SEMA4B: variants seen among roughly 807,000 people sequenced by gnomAD.
SEMA4B encodes the protein semaphorin-4B.
A neutral mutation model predicts 88.1 loss-of-function variants in SEMA4B; 55 were observed. That is an observed-to-expected ratio of 0.62 (90% CI 0.50 to 0.78). The LOEUF (loss-of-function observed/expected upper bound fraction) is 0.78. SEMA4B is among the 30% of genes least tolerant of loss of function. The probability of loss-of-function intolerance (pLI) is 0.00; values close to 1 mark genes in which losing one functional copy is unlikely to be tolerated. For synonymous variants in SEMA4B, 525 were observed against 473.6 expected (o/e 1.11, Z -1.41); for missense variants, 1,062 against 1,111.9 (o/e 0.96, Z 0.64).
At chr15:90,187,561 T>G (rs952094597) in intron 1 of SEMA4B, among the ~76,000 whole-genome samples, 6 of 152,290 alleles carry the variant, frequency 3.9e-5, no homozygotes, top group Non-Finnish European at 8.8e-5. Flanking sequence ...AATAAGAATC[T>G]GAGCAGAGTG....
At chr15:90,202,020 G>A (rs1960768945) in intron 1 of SEMA4B, among the ~76,000 whole-genome samples, 1 of 152,268 alleles carries the variant, frequency 6.6e-6, no homozygotes, top group South Asian at 2.1e-4. Flanking sequence ...TTTCGGCGGG[G>A]TCCGCCTGCC....
At chr15:90,225,248 T>C (rs368990365) in intron 10 of SEMA4B, 34 bp from the exon 11 acceptor site, 3 of 1,554,104 alleles carry the variant, frequency 1.9e-6, no homozygotes, top group Non-Finnish European at 1.7e-6. Context: ...GGCAGTGGGC[T>C]CCACCCAGGG....
chr15:90,216,648 A>C (rs1021615005), intron 1 of SEMA4B, among the ~76,000 whole-genome samples: 1 of 152,210 alleles, frequency 6.6e-6, no homozygotes, highest in African/African-American at 2.4e-5. Flanking sequence ...GTTTGAGACC[A>C]GCCTGGCCAA....
intron 1 of SEMA4B, among the ~76,000 whole-genome samples, chr15:90,186,126 G>A (rs998740956): frequency 1.3e-5 from 2 of 151,756 alleles, no homozygotes; most frequent in Non-Finnish European, 2.9e-5. Flanking sequence ...TAGAGACAGG[G>A]TTTCACCATG....
At chr15:90,187,357 G>A (rs914303895) in intron 1 of SEMA4B, among the ~76,000 whole-genome samples, 3 of 152,182 alleles carry the variant, frequency 2.0e-5, no homozygotes, top group Non-Finnish European at 4.4e-5. Context: ...TGAATCCTTT[G>A]GAAATGATTT....
intron 1 of SEMA4B, among the ~76,000 whole-genome samples, chr15:90,211,485 G>C (rs1961264813): frequency 6.6e-6 from 1 of 152,186 alleles, no homozygotes. Flanking sequence ...TCTGGCACTG[G>C]GCTGGTGTCA....
intron 1 of SEMA4B, among the ~76,000 whole-genome samples, chr15:90,201,948 C>T (rs1960764949): frequency 1.3e-5 from 2 of 152,332 alleles, no homozygotes; most frequent in Non-Finnish European, 2.9e-5. Flanking sequence ...AGTTTTCTTT[C>T]TGCGTAGGGA....
At chr15:90,209,274 G>A (rs944482126) in intron 1 of SEMA4B, among the ~76,000 whole-genome samples, 19 of 152,142 alleles carry the variant, frequency 1.2e-4, no homozygotes, top group African/African-American at 2.4e-5. Context: ...ACAAAGACCG[G>A]GCGCGGTGGC....
rs769480615 is a variant in SEMA4B, at chr15:90,228,136, C to G, written c.2007C>G (p.Ser669Arg). Residue 669 changes from serine (S) to arginine (R), a missense_variant, in exon 14 of 14, where the codon AGC (serine) becomes AGG (arginine). By Grantham distance (110) the Ser-to-Arg change is moderately radical. Transcript: ENST00000411539. ...AGGGCTTCCAGCAGCTGGTAGCCAG[C>G]TACTGCCCAGAGGTGGTGGAGGACG... ...LEEGFQQLVA[S>R]YCPEVVEDGV... 11 of 1,611,348 alleles carry G rather than the reference C, an allele frequency of 6.8e-6. No individual in the cohort carries two copies. The East Asian group carries it at 2.5e-4, about 36-fold the overall frequency.
In SEMA4B at chr15:90,225,124, G is replaced by A. The variant is rs1962082374; in HGVS notation, c.1351G>A (p.Val451Ile). ...QPQARYQRVA[V>I]HRVPGLHHTY... Reference sequence around the variant, plus strand: ...CCAGGCTCGCTACCAGCGCGTGGCTGTACACCGCGTCCCTGGCCTGCACCA... The same window carrying A: ...CCAGGCTCGCTACCAGCGCGTGGCTATACACCGCGTCCCTGGCCTGCACCA... The change falls in exon 10 of 14, where the codon GTA becomes ATA. Residue 451 changes from valine (V) to isoleucine (I), a missense_variant. Coordinates refer to ENST00000411539, the MANE Select transcript of SEMA4B (RefSeq NM_198925.4). The A allele has an allele frequency of 6.2e-7, 1 of 1,613,212 alleles. No homozygotes were observed.
chr15:90,225,727 A>G lies in SEMA4B; in HGVS notation c.1588A>G (p.Arg530Gly). The change falls in exon 12 of 14, where the codon AGG becomes GGG. Residue 530 changes from arginine (R) to glycine (G), a missense_variant. Physicochemically the swap from Arg to Gly is moderately radical, Grantham distance 125. Coordinates refer to ENST00000411539, the MANE Select transcript of SEMA4B (RefSeq NM_198925.4). ...GCCCATGGCCAACTGCAGCCTGTAC[A>G]GGAGCTGTGGGGACTGCCTCCTCGC... Reference protein sequence around the residue: ...QVPMANCSLYRSCGDCLLARD... With the variant: ...QVPMANCSLYGSCGDCLLARD... 2 of 1,571,070 alleles carry G rather than the reference A, an allele frequency of 1.3e-6. No individual in the cohort carries two copies. The highest frequency in any genetic ancestry group is 4.7e-5 in the East Asian group (2 of 42,142).
At chr15:90,185,198 C>T (rs1960128068) in intron 1 of SEMA4B, 1 of 527,900 alleles carries the variant, frequency 1.9e-6, no homozygotes, top group Non-Finnish European at 2.4e-6. Context: ...CCGCCCGGCC[C>T]CTCTCCCCAG....
intron 1 of SEMA4B, among the ~76,000 whole-genome samples, chr15:90,214,408 C>T (rs982291513): frequency 1.3e-5 from 2 of 150,698 alleles, no homozygotes; most frequent in African/African-American, 4.9e-5. Flanking sequence ...GAGGCCGAGG[C>T]GGGTGGATCA....
At chr15:90,184,964 T>C in exon 1 of SEMA4B, 1 of 985,826 alleles carries the variant, frequency 1.0e-6, no homozygotes, top group Non-Finnish European at 1.2e-6. Flanking sequence ...CGCCCGAGAC[T>C]CCGGGTCCCC....
At chr15:90,221,573 G>T in intron 6 of SEMA4B, 41 bp from the exon 7 acceptor site, 1 of 1,612,096 alleles carries the variant, frequency 6.2e-7, no homozygotes. Flanking sequence ...TGTCTCCAGG[G>T]TTCCTGGGCT....
chr15:90,227,955 T>C lies in SEMA4B; in HGVS notation c.1826T>C (p.Leu609Ser), dbSNP rs1262981588. The stretch of plus-strand genomic sequence containing the variant: ...TTCCAGCCCAACACAGTGAACACTT[T>C]GGCCTGCCCGCTCCTCTCCAACCTG... ...VQFQPNTVNT[L>S]ACPLLSNLAT... The change falls in exon 14 of 14, where the codon TTG becomes TCG. Residue 609 changes from leucine to serine, a missense_variant. Transcript: ENST00000411539. 2 of 1,613,716 alleles carry C rather than the reference T, an allele frequency of 1.2e-6. No homozygotes were observed. The highest frequency in any genetic ancestry group is 1.7e-6 in the Non-Finnish European group (2 of 1,179,876).
chr15:90,201,979 C>T (rs960521760), intron 1 of SEMA4B, among the ~76,000 whole-genome samples: 1 of 152,250 alleles, frequency 6.6e-6, no homozygotes, highest in African/African-American at 2.4e-5. Flanking sequence ...CCCGCTCTGT[C>T]GTCCCCCCTA....
chr15:90,209,738 G>C (rs1351520067), intron 1 of SEMA4B, among the ~76,000 whole-genome samples: 2 of 152,232 alleles, frequency 1.3e-5, no homozygotes, highest in Non-Finnish European at 2.9e-5. Flanking sequence ...GCCTCCTGGA[G>C]GAGGTGGAAC....
At chr15:90,217,245 T>A in intron 1 of SEMA4B, 194 bp from the exon 2 acceptor site, 1 of 556,396 alleles carries the variant, frequency 1.8e-6, no homozygotes, top group Non-Finnish European at 3.2e-6. Context: ...TCTGCATCAT[T>A]TCTTATGTAA....
Sources: allele counts gnomAD v4.1 joint callset (sites outside exome capture counted in the v4.1 genomes callset), GRCh38; gene constraint gnomAD v4.1.1; transcripts MANE v1.5; gene names NCBI Gene and HGNC (gene_info 2026-07-23, HGNC 2026-07-21).